The following ARHGEF28 variants were observed in gnomAD, a reference collection of about 807,000 sequenced individuals.
ARHGEF28 encodes the protein Rho guanine nucleotide exchange factor 28.
ARHGEF28 carries 152 observed loss-of-function variants against 206.6 expected under a neutral mutation model. The observed-to-expected ratio is 0.74, with a 90% CI of 0.64 to 0.84. The LOEUF is 0.84. Ranked by LOEUF, ARHGEF28 falls within the 40% of genes least tolerant of loss-of-function variation. The pLI, the probability that ARHGEF28 is intolerant of heterozygous loss-of-function variation, is 0.00. For missense variants in ARHGEF28, 2,028 were observed against 2,073.2 expected, an observed-to-expected ratio of 0.98 and a Z score of 0.42; for synonymous variants, 763 against 776.4, an observed-to-expected ratio of 0.98 and a Z score of 0.29.
intron 11 of ARHGEF28, among the ~76,000 whole-genome samples, chr5:73,843,428 G>A (rs1015489435): frequency 1.3e-5 from 2 of 152,298 alleles, no homozygotes; most frequent in African/African-American, 2.4e-5. Flanking sequence ...GAGAGAAGTC[G>A]CAATCCCTGG....
At chr5:73,815,073 T>C (rs960356103) in intron 9 of ARHGEF28, among the ~76,000 whole-genome samples, 1 of 152,130 alleles carries the variant, frequency 6.6e-6, no homozygotes, top group Admixed American at 6.6e-5. Flanking sequence ...ATTTTATAGA[T>C]GTTATAAGGA....
intron 9 of ARHGEF28, among the ~76,000 whole-genome samples, chr5:73,804,455 A>T (rs2112504095): frequency 6.6e-6 from 1 of 152,342 alleles, no homozygotes; most frequent in East Asian, 1.9e-4. Flanking sequence ...GGATGCAAAC[A>T]TTGTTTTAGC....
At chr5:73,626,685 G>T (rs895559173) in intron 1 of ARHGEF28, among the ~76,000 whole-genome samples, 3 of 152,160 alleles carry the variant, frequency 2.0e-5, no homozygotes, top group Non-Finnish European at 4.4e-5. Context: ...AAGGGAGAAC[G>T]TCGAGAGTTG....
chr5:73,689,020 C>A (rs1331104748), intron 2 of ARHGEF28, among the ~76,000 whole-genome samples: 1 of 152,202 alleles, frequency 6.6e-6, no homozygotes, highest in Non-Finnish European at 1.5e-5. Context: ...TCCTTGCTTG[C>A]CAGCACAATT....
intron 3 of ARHGEF28, among the ~76,000 whole-genome samples, chr5:73,752,676 G>A (rs1752079953): frequency 6.6e-6 from 1 of 152,158 alleles, no homozygotes; most frequent in Admixed American, 6.5e-5. Context: ...CAAGTGTTCA[G>A]AGCTCGTAAA....
At chr5:73,763,588 G>C (rs1752730975) in intron 4 of ARHGEF28, among the ~76,000 whole-genome samples, 1 of 152,198 alleles carries the variant, frequency 6.6e-6, no homozygotes, top group Non-Finnish European at 1.5e-5. Context: ...GGTCCCTGGA[G>C]AGTCAAGTGG....
chr5:73,813,617 AC>A (rs1167279292), intron 9 of ARHGEF28: 2 of 1,535,806 alleles, frequency 1.3e-6, no homozygotes, highest in Non-Finnish European at 1.7e-6. Context: ...TCACCTTTTA[AC>A]TACTCGTGGC....
At chr5:73,632,633 C>T (rs750784141) in intron 1 of ARHGEF28, among the ~76,000 whole-genome samples, 2 of 152,180 alleles carry the variant, frequency 1.3e-5, no homozygotes, top group Non-Finnish European at 2.9e-5. Context: ...ATTATATATC[C>T]TACCTTCAAG....
intron 2 of ARHGEF28, among the ~76,000 whole-genome samples, chr5:73,743,422 G>T (rs945343630): frequency 6.6e-6 from 1 of 152,080 alleles, no homozygotes; most frequent in African/African-American, 2.4e-5. Flanking sequence ...CGGACTGTTG[G>T]CCTGCTGTGG....
chr5:73,886,144 C>CA, intron 25 of ARHGEF28, 40 bp downstream of exon 25: 1 of 1,561,928 alleles, frequency 6.4e-7, no homozygotes, highest in Admixed American at 2.0e-5. Flanking sequence ...CCTTCATACA[C>CA]ATTATTCATT....
chr5:73,782,946 CCTTA>C (rs1753933417), intron 7 of ARHGEF28, among the ~76,000 whole-genome samples: 1 of 152,056 alleles, frequency 6.6e-6, no homozygotes, highest in African/African-American at 2.4e-5. Context: ...AAGCCTCTGC[CCTTA>C]CTTTTTCTTT....
chr5:73,844,378 G>A (rs1040442570), intron 11 of ARHGEF28, among the ~76,000 whole-genome samples: 5 of 152,096 alleles, frequency 3.3e-5, no homozygotes, highest in African/African-American at 7.2e-5. Context: ...GCTTCAGCCC[G>A]CCTTGAAATC....
intron 11 of ARHGEF28, among the ~76,000 whole-genome samples, chr5:73,845,986 C>CAAAAAAAAAAAAA (rs57600570): frequency 4.7e-5 from 3 of 63,764 alleles, no homozygotes; most frequent in Non-Finnish European, 6.8e-5. Context: ...AAAACTGTCT[C>CAAAAAAAAAAAAA]AAAAAAAAAA....
chr5:73,894,381 A>G lies in ARHGEF28; in HGVS notation c.3659-12A>G. 1 of 1,590,858 alleles carries G rather than the reference A, an allele frequency of 6.3e-7. No homozygotes were observed. The highest frequency in any genetic ancestry group is 8.6e-7 in the Non-Finnish European group (1 of 1,164,498). ...TTAGTGATAATCTTCTATGGTAAAT[A>G]CTATTTCATAGAAATACTCACTAAC... On this transcript the variant is annotated splice_polypyrimidine_tract_variant and intron_variant, in intron 28 of 35. Coordinates refer to ENST00000513042, the MANE Select transcript of ARHGEF28 (RefSeq NM_001177693.2).
At chr5:73,720,652 C>A (rs1046666432) in intron 2 of ARHGEF28, among the ~76,000 whole-genome samples, 3 of 152,200 alleles carry the variant, frequency 2.0e-5, no homozygotes, top group African/African-American at 7.2e-5. Context: ...ATGTCCTCCT[C>A]TGAGCCTTGA....
intron 9 of ARHGEF28, among the ~76,000 whole-genome samples, chr5:73,818,641 A>G (rs1359426202): frequency 1.3e-5 from 2 of 152,222 alleles, no homozygotes; most frequent in South Asian, 2.1e-4. Context: ...GACTCTGCCT[A>G]GAGGCCTACT....
At chr5:73,699,735 A>G (rs1748478971) in intron 2 of ARHGEF28, among the ~76,000 whole-genome samples, 1 of 152,240 alleles carries the variant, frequency 6.6e-6, no homozygotes, top group Admixed American at 6.5e-5. Context: ...GTGACTGTGT[A>G]GGAAGAGGAA....
intron 6 of ARHGEF28, 87 bp from the exon 7 acceptor site, chr5:73,780,589 T>G: frequency 7.6e-7 from 1 of 1,324,234 alleles, no homozygotes; most frequent in East Asian, 2.5e-5. Flanking sequence ...AGATCATTGA[T>G]AGTGACTTTT....
At chr5:73,913,875 T>C (rs1403603968) in intron 35 of ARHGEF28, among the ~76,000 whole-genome samples, 1 of 152,230 alleles carries the variant, frequency 6.6e-6, no homozygotes, top group Non-Finnish European at 1.5e-5. Context: ...TGTTAGGCCA[T>C]AACGTCTGCC....
Sources: allele counts gnomAD v4.1 joint callset (sites outside exome capture counted in the v4.1 genomes callset), GRCh38; gene constraint gnomAD v4.1.1; transcripts MANE v1.5; gene names NCBI Gene and HGNC (gene_info 2026-07-23, HGNC 2026-07-21).